Variants in TTI2 observed in about 807,000 individuals in gnomAD.
The protein encoded by TTI2 is TELO2 interacting protein 2, also known as TELO2-interacting protein 2.
TTI2 carries 26 observed loss-of-function variants against 44.9 expected under a neutral mutation model. That is an observed-to-expected ratio of 0.58 (90% CI 0.42 to 0.80). The LOEUF is 0.80. Among genes scored for constraint, TTI2 ranks in the 30% least tolerant of loss-of-function variants. TTI2 has a pLI of 0.00. For missense variants in TTI2, 582 were observed against 611.6 expected (o/e 0.95, Z 0.51); for synonymous variants, 254 against 250.9 (o/e 1.01, Z -0.12).
rs199974739 is a variant in TTI2, at chr8:33,507,367, T to G, written c.835-46A>C. 13 of 1,543,688 alleles carry G rather than the reference T, an allele frequency of 8.4e-6. 1 individual carries two copies. The East Asian group carries it at 2.9e-4, about 35-fold the overall frequency. On this transcript the variant is annotated intron_variant, in intron 3 of 7. Transcript: ENST00000431156. The stretch of plus-strand genomic sequence containing the variant: ...AAATTAAAAGAATAGTTTCCCAAGA[T>G]TGGCACATGTTGACTATCTTTGAAA...
intron 7 of TTI2, 137 bp from the exon 8 acceptor site, chr8:33,499,414 A>G (rs1424423939): frequency 3.0e-6 from 2 of 673,264 alleles, no homozygotes; most frequent in East Asian, 5.5e-5. Flanking sequence ...CACTAAGCAG[A>G]ATAGGTATTA....
At chr8:33,512,770 G>C (rs1416194049) in intron 1 of TTI2, 58 bp from the exon 2 acceptor site, 2 of 843,736 alleles carry the variant, frequency 2.4e-6, no homozygotes, top group African/African-American at 1.7e-5. Flanking sequence ...GAGTCTGACC[G>C]GGATAAGAAT....
intron 7 of TTI2, chr8:33,499,877 A>C (rs1275424976): frequency 6.4e-6 from 1 of 157,402 alleles, no homozygotes; most frequent in Non-Finnish European, 1.4e-5. Context: ...ATTTCCATGT[A>C]GATAAATTAA....
In TTI2 at chr8:33,500,418, G is replaced by A. The variant is rs374210175; in HGVS notation, c.1332C>T (p.Asn444=). ...CGCTCTTAACAGACTCAGGTGTAAGGTTTGGATCCCTTGCTACATCACAAA... is the reference window on the plus strand; with the variant it reads ...CGCTCTTAACAGACTCAGGTGTAAGATTTGGATCCCTTGCTACATCACAAA... ...KLICDVARDP[N]LTPESVKSAL... is the part of the protein sequence containing the mutation. The change falls in exon 7 of 8, where the codon AAC becomes AAT. Residue 444 remains asparagine (N), a synonymous_variant. Coordinates refer to ENST00000431156, the MANE Select transcript of TTI2 (RefSeq NM_001102401.4). 6.2e-7 allele frequency: 1 copy of A among 1,614,124 alleles called. No homozygotes were observed. The highest frequency in any genetic ancestry group is 8.5e-7 in the Non-Finnish European group (1 of 1,180,006).
In TTI2 at chr8:33,512,393, C is replaced by A. The variant is rs376955232; in HGVS notation, c.221G>T (p.Arg74Leu). The A allele has an allele frequency of 6.8e-6, 11 of 1,613,990 alleles. No individual in the cohort carries two copies. In the East Asian group the frequency reaches 8.9e-5, roughly 13 times the overall value. The change falls in exon 2 of 8, where the codon CGG (arginine) becomes CTG (leucine). Residue 74 changes from arginine (R) to leucine (L), a missense_variant. Arg to Leu is a moderately radical substitution (Grantham distance 102). Transcript: ENST00000431156. The stretch of plus-strand genomic sequence containing the variant: ...CAGTGTCTCCGGCATTCCGCGGAGC[C>A]GTGCACCAGTCCCCTCAAATAACCT... ...FDRLFEGTGA[R>L]LRGMPETLGQ...
intron 4 of TTI2, among the ~76,000 whole-genome samples, chr8:33,506,301 AGT>A (rs1354239439): frequency 1.3e-5 from 2 of 152,160 alleles, no homozygotes; most frequent in Non-Finnish European, 2.9e-5. Flanking sequence ...AGAAGTTTCA[AGT>A]GTGTGTGCTG....
At chr8:33,506,167 C>A (rs940262410) in intron 4 of TTI2, among the ~76,000 whole-genome samples, 1 of 152,112 alleles carries the variant, frequency 6.6e-6, no homozygotes, top group African/African-American at 2.4e-5. Flanking sequence ...AGTACATATT[C>A]GTATTTACAT....
At chr8:33,505,485 C>CTTTTTTTTTTTT (rs11446015) in intron 4 of TTI2, among the ~76,000 whole-genome samples, 3 of 146,938 alleles carry the variant, frequency 2.0e-5, no homozygotes, top group Non-Finnish European at 3.0e-5. Context: ...GCCACTGCAC[C>CTTTTTTTTTTTT]TTTTTTTTTT....
intron 6 of TTI2, among the ~76,000 whole-genome samples, chr8:33,502,824 T>TCAAAAA (rs202076532): frequency 0.017 from 2,250 of 128,582 alleles, 73 homozygotes; most frequent in African/African-American, 0.059. Flanking sequence ...ATACTCCATC[T>TCAAAAA]CAAAAACAAA....
chr8:33,498,752 T>A lies in TTI2; in HGVS notation c.*421A>T. 1 of 842,386 alleles carries A rather than the reference T, an allele frequency of 1.2e-6. No individual in the cohort carries two copies. The highest frequency in any genetic ancestry group is 1.8e-6 in the Non-Finnish European group (1 of 546,380). The allele number at this position is 842,386 out of a possible 1,614,324, so 52.2% of individuals were successfully genotyped here. A position where few individuals can be genotyped will look rare whatever the true frequency, so the allele number is the denominator to read the frequency against. Reference sequence around the variant, plus strand: ...TGTGTTGTACTGAACACAATATTTGTGTTTTTATTATTTATGCCACGTCAG... The same window carrying A: ...TGTGTTGTACTGAACACAATATTTGAGTTTTTATTATTTATGCCACGTCAG... On this transcript the variant is annotated 3_prime_UTR_variant, in exon 8 of 8. Coordinates refer to ENST00000431156, the MANE Select transcript of TTI2 (RefSeq NM_001102401.4).
intron 3 of TTI2, among the ~76,000 whole-genome samples, chr8:33,509,472 A>G (rs1472851697): frequency 2.7e-5 from 4 of 147,404 alleles, no homozygotes; most frequent in African/African-American, 7.7e-5. Flanking sequence ...AAAAAAAAAA[A>G]AAAAGAAAGA....
chr8:33,504,452 A>G (rs1363459507), intron 4 of TTI2, among the ~76,000 whole-genome samples: 2 of 151,784 alleles, frequency 1.3e-5, no homozygotes, highest in Non-Finnish European at 1.5e-5. Flanking sequence ...GTGCACCACC[A>G]CACTTGGCTA....
intron 3 of TTI2, 90 bp from the exon 4 acceptor site, chr8:33,507,411 G>A: frequency 8.7e-7 from 1 of 1,155,276 alleles, no homozygotes. Context: ...TGGGTATGAA[G>A]CATGAAGAAC....
rs766979115 is a variant in TTI2, at chr8:33,512,303, T to C, written c.311A>G (p.Asp104Gly). The C allele has an allele frequency of 6.2e-7, 1 of 1,614,160 alleles. No individual in the cohort carries two copies. The highest frequency in any genetic ancestry group is 8.5e-7 in the Non-Finnish European group (1 of 1,180,042). The change falls in exon 2 of 8, where the codon GAT (aspartate) becomes GGT (glycine). Residue 104 changes from aspartate (D) to glycine (G), a missense_variant. Physicochemically the swap from Asp to Gly is moderately conservative, Grantham distance 94. Transcript: ENST00000431156. ...APSKEEEGGG[D>G]GHSEAAEKAA... ...TTTCTCGGCCGCTTCGGAGTGCCCA[T>C]CACCTCCACCTTCCTCCTCCTTGGA...
chr8:33,508,930 T>A (rs1274577627), intron 3 of TTI2, among the ~76,000 whole-genome samples: 1 of 151,352 alleles, frequency 6.6e-6, no homozygotes, highest in East Asian at 1.9e-4. Flanking sequence ...TCACCTGAGG[T>A]CAGGAGTTCG....
At position 33,503,799 on chromosome 8, in the gene TTI2, C is replaced by T. The variant is rs201287148; in HGVS notation, c.1064G>A (p.Arg355His). 264 of 1,614,018 alleles carry T rather than the reference C, an allele frequency of 1.6e-4. 2 individuals are homozygous for T. The East Asian group carries it at 3.2e-3, about 20-fold the overall frequency. The change falls in exon 5 of 8, where the codon CGC becomes CAC. Residue 355 changes from arginine (R) to histidine (H), a missense_variant. Transcript: ENST00000431156. ...LILTHMEPEH[R>H]LLLRRTYARN... The stretch of plus-strand genomic sequence containing the variant: ...TGCGTAGGTCCTGCGTAAAAGAAGG[C>T]GGTGCTCTGGCTCCATGTGGGTCAG...
rs1809023547 is a variant in TTI2 at position 33,500,364 on chromosome 8, C to A, written c.1386G>T (p.Leu462=). 1 of 1,614,058 alleles carries A rather than the reference C, an allele frequency of 6.2e-7. No homozygotes were observed. Among genetic ancestry groups the A allele is most frequent in the African/African-American group, 1.3e-5 (1 of 74,932 alleles). Residue 462 remains leucine, a synonymous_variant, in exon 7 of 8, where the codon CTG becomes CTT. Coordinates refer to ENST00000431156, the MANE Select transcript of TTI2 (RefSeq NM_001102401.4). Reference sequence around the variant, plus strand: ...CTTGAGAACAGCGGTCCAGGAGAATCAGGCAGTCTGTGGCCTCCTGTAGCA... The same window carrying A: ...CTTGAGAACAGCGGTCCAGGAGAATAAGGCAGTCTGTGGCCTCCTGTAGCA... ...SALLQEATDC[L]ILLDRCSQGR...
At chr8:33,508,087 T>TAAAAAAAAAAAAAAAAAAAAAAAA (rs58891946) in intron 3 of TTI2, among the ~76,000 whole-genome samples, 1 of 19,494 alleles carries the variant, frequency 5.1e-5, no homozygotes, top group Non-Finnish European at 8.8e-5. Context: ...CTAGCGGTAG[T>TAAAAAAAAAAAAAAAAAAAAAAAA]AAAAAAAAAA....
At chr8:33,502,463 T>C (rs1809119774) in intron 6 of TTI2, among the ~76,000 whole-genome samples, 1 of 152,128 alleles carries the variant, frequency 6.6e-6, no homozygotes, top group Non-Finnish European at 1.5e-5. Flanking sequence ...CAGAATTTTT[T>C]TTTTTTTCCT....
Sources: allele counts gnomAD v4.1 joint callset (sites outside exome capture counted in the v4.1 genomes callset), GRCh38; gene constraint gnomAD v4.1.1; transcripts MANE v1.5; gene names NCBI Gene and HGNC (gene_info 2026-07-23, HGNC 2026-07-21).